The following RBFOX1 variants were observed in gnomAD, a reference collection of about 807,000 sequenced individuals.
RBFOX1 encodes RNA binding fox-1 homolog 1, also known as RNA binding protein fox-1 homolog 1.
Under a neutral mutation model 57.7 loss-of-function variants are expected in RBFOX1, and 8 were observed. The ratio of observed to expected loss-of-function variants is 0.14; its 90% CI spans 0.08 to 0.25. The LOEUF is 0.25. Ranked by LOEUF, RBFOX1 falls within the 10% of genes least tolerant of loss-of-function variation. The pLI, the probability that RBFOX1 is intolerant of heterozygous loss-of-function variation, is 1.00. For missense variants in RBFOX1, 611 were observed against 548.5 expected, an observed-to-expected ratio of 1.11 and a Z score of -1.14; for synonymous variants, 326 against 222.4, an observed-to-expected ratio of 1.47 and a Z score of -4.15.
At chr16:5,622,554 A>G (rs1458209331) in intron 3 of RBFOX1, among the ~76,000 whole-genome samples, 2 of 152,204 alleles carry the variant, frequency 1.3e-5, no homozygotes, top group East Asian at 3.9e-4. Context: ...CTCTAGTGGT[A>G]CTTTTTAAAA....
chr16:7,334,740 A>G (rs746136431), intron 4 of RBFOX1, among the ~76,000 whole-genome samples: 1 of 152,184 alleles, frequency 6.6e-6, no homozygotes, highest in African/African-American at 2.4e-5. Flanking sequence ...CCAGTGATAG[A>G]TGAGAAGATG....
intron 2 of RBFOX1, among the ~76,000 whole-genome samples, chr16:6,500,673 G>A (rs562794293): frequency 9.9e-5 from 15 of 152,100 alleles, no homozygotes; most frequent in Non-Finnish European, 1.8e-4. Context: ...ATGGCAAGAA[G>A]AGGCATTGAA....
chr16:7,108,820 A>G (rs935289376), intron 4 of RBFOX1, among the ~76,000 whole-genome samples: 15 of 152,168 alleles, frequency 9.9e-5, no homozygotes, highest in Admixed American at 9.2e-4. Flanking sequence ...TTGTACCTAA[A>G]TCCCCGTCAA....
rs149549106 is a variant in RBFOX1, at chr16:6,145,391, A to G, written c.-127+125399A>G. On this transcript the variant is annotated intron_variant, in intron 1 of 15. Transcript: ENST00000550418. The stretch of plus-strand genomic sequence containing the variant: ...TTGTTTTTTTTAATGGCTGCATAGT[A>G]TTCCATGGTGTATATGTACCATATT... Among the ~76,000 whole-genome samples, 238 of 152,206 alleles carry G rather than the reference A, an allele frequency of 1.6e-3. 3 individuals are homozygous for G. Among genetic ancestry groups the G allele is most frequent in the East Asian group, 0.01 (54 of 5,178 alleles).
At chr16:7,417,230 G>T (rs2098486896) in intron 4 of RBFOX1, among the ~76,000 whole-genome samples, 1 of 151,826 alleles carries the variant, frequency 6.6e-6, no homozygotes, top group African/African-American at 2.4e-5. Context: ...AATACTGGCT[G>T]GGCGTGGTGG....
intron 3 of RBFOX1, among the ~76,000 whole-genome samples, chr16:6,810,514 A>G (rs1027922906): frequency 2.0e-5 from 3 of 152,114 alleles, no homozygotes; most frequent in Non-Finnish European, 4.4e-5. Context: ...GAATGTCCCC[A>G]TATGCCCCTC....
At chr16:5,762,685 A>G (rs1237670196) in intron 3 of RBFOX1, among the ~76,000 whole-genome samples, 2 of 152,220 alleles carry the variant, frequency 1.3e-5, no homozygotes, top group East Asian at 1.9e-4. Flanking sequence ...GAAAATTCCA[A>G]TAACGGGGAA....
At chr16:6,113,839 T>C (rs919600216) in intron 1 of RBFOX1, among the ~76,000 whole-genome samples, 2 of 152,210 alleles carry the variant, frequency 1.3e-5, no homozygotes, top group Non-Finnish European at 2.9e-5. Flanking sequence ...TTACATCTGT[T>C]ATTCCACTGC....
chr16:7,397,189 C>G (rs907885504), intron 4 of RBFOX1, among the ~76,000 whole-genome samples: 8 of 152,186 alleles, frequency 5.3e-5, no homozygotes, highest in Non-Finnish European at 1.2e-4. Context: ...TATCTTCTAT[C>G]TCTGGTGCTG....
chr16:6,546,168 G>C (rs1403321287), intron 2 of RBFOX1, among the ~76,000 whole-genome samples: 1 of 152,190 alleles, frequency 6.6e-6, no homozygotes, highest in African/African-American at 2.4e-5. Flanking sequence ...CCATGGGTTG[G>C]ACAAGCTTGG....
intron 3 of RBFOX1, among the ~76,000 whole-genome samples, chr16:7,016,249 C>A (rs772082976): frequency 6.6e-6 from 1 of 152,066 alleles, no homozygotes; most frequent in Non-Finnish European, 1.5e-5. Context: ...TGGAACGGGA[C>A]CTGCCTCATC....
intron 3 of RBFOX1, among the ~76,000 whole-genome samples, chr16:6,715,386 T>C (rs1028956873): frequency 1.3e-5 from 2 of 152,164 alleles, no homozygotes; most frequent in Admixed American, 1.3e-4. Context: ...TGCAGCTTTA[T>C]CTTGCTGCAT....
intron 3 of RBFOX1, among the ~76,000 whole-genome samples, chr16:6,865,235 T>A (rs2059719273): frequency 6.6e-6 from 1 of 152,000 alleles, no homozygotes; most frequent in Admixed American, 6.5e-5. Context: ...ACTCCTGACC[T>A]CAGGTGATCC....
chr16:7,125,716 C>G (rs77329754), intron 4 of RBFOX1, among the ~76,000 whole-genome samples: 1,907 of 152,026 alleles, frequency 0.013, 23 homozygotes, highest in Non-Finnish European at 0.021. Context: ...AGACAGATGC[C>G]TAAACTCCCT....
At chr16:6,420,507 G>A (rs2093742593) in intron 2 of RBFOX1, among the ~76,000 whole-genome samples, 1 of 152,204 alleles carries the variant, frequency 6.6e-6, no homozygotes, top group South Asian at 2.1e-4. Flanking sequence ...TGTTAAGCCA[G>A]ATATTTTTCT....
rs561979548 is a variant in RBFOX1 at position 5,425,794 on chromosome 16, C to T, written c.220-41422C>T. On this transcript the variant is annotated intron_variant, in intron 1 of 2. Coordinates refer to the RBFOX1 transcript ENST00000585867. ...CTCTTCCAGATCACCTGGAACCCCCCACGTCCCTGAAAGCTGGGCTTGGCG... is the reference window on the plus strand; with the variant it reads ...CTCTTCCAGATCACCTGGAACCCCCTACGTCCCTGAAAGCTGGGCTTGGCG... 2.0e-5 allele frequency among the ~76,000 whole-genome samples: 3 copies of T among 152,160 alleles called. No homozygotes were observed. In the East Asian group the frequency reaches 5.8e-4, roughly 29 times the overall value.
chr16:6,089,438 C>T (rs1341088741), intron 1 of RBFOX1, among the ~76,000 whole-genome samples: 4 of 152,120 alleles, frequency 2.6e-5, no homozygotes, highest in African/African-American at 9.7e-5. Context: ...GGCATATACA[C>T]AGAGGGCCTA....
At chr16:6,196,877 C>T (rs569068557) in intron 1 of RBFOX1, among the ~76,000 whole-genome samples, 4 of 151,478 alleles carry the variant, frequency 2.6e-5, no homozygotes, top group African/African-American at 2.4e-5. Flanking sequence ...TTTTCTGCAT[C>T]GAGGTCATCT....
At chr16:6,575,041 T>TAAAA (rs60159843) in intron 2 of RBFOX1, among the ~76,000 whole-genome samples, 1 of 142,180 alleles carries the variant, frequency 7.0e-6, no homozygotes, top group African/African-American at 2.7e-5. Context: ...CCGTCTCAAT[T>TAAAA]AAAAAAAAAA....
Sources: allele counts gnomAD v4.1 joint callset (sites outside exome capture counted in the v4.1 genomes callset), GRCh38; gene constraint gnomAD v4.1.1; transcripts MANE v1.5; gene names NCBI Gene and HGNC (gene_info 2026-07-23, HGNC 2026-07-21).